FAM78B: variants seen among roughly 807,000 people sequenced by gnomAD.
FAM78B encodes the protein protein FAM78B.
In FAM78B, 10 loss-of-function variants were observed where a neutral mutation model predicts 20.0. The observed-to-expected ratio is 0.50, with a 90% CI of 0.31 to 0.85. The LOEUF is 0.85. FAM78B is among the 40% of genes least tolerant of loss of function. FAM78B has a pLI of 0.05. For synonymous variants in FAM78B, 135 were observed against 132.8 expected (o/e 1.02, Z -0.12); for missense variants, 283 against 345.0 (o/e 0.82, Z 1.42).
chr1:166,150,033 G>C (rs1011139714), intron 1 of FAM78B, among the ~76,000 whole-genome samples: 2 of 152,224 alleles, frequency 1.3e-5, no homozygotes, highest in Admixed American at 1.3e-4. Context: ...CAGGGAACAG[G>C]TGCAGAGAAA....
At chr1:166,120,631 A>C (rs1026471968) in intron 1 of FAM78B, among the ~76,000 whole-genome samples, 6 of 152,218 alleles carry the variant, frequency 3.9e-5, no homozygotes, top group African/African-American at 1.4e-4. Flanking sequence ...AGGGGTCCTA[A>C]AGAGGGGTCC....
chr1:166,063,042 G>A (rs2101942683), intron 2 of FAM78B, among the ~76,000 whole-genome samples: 1 of 152,324 alleles, frequency 6.6e-6, no homozygotes, highest in South Asian at 2.1e-4. Flanking sequence ...CCATCCTCAT[G>A]GAGCCCCTGG....
intron 1 of FAM78B, among the ~76,000 whole-genome samples, chr1:166,104,082 A>C (rs771632787): frequency 4.8e-4 from 73 of 152,220 alleles, no homozygotes; most frequent in Non-Finnish European, 8.5e-4. Flanking sequence ...CCAGCATATA[A>C]AGAGAACCAA....
intron 1 of FAM78B, chr1:166,082,805 G>A (rs1652634804): frequency 2.6e-5 from 4 of 152,456 alleles, no homozygotes; most frequent in Admixed American, 2.6e-4. Flanking sequence ...CTGGAGTCTA[G>A]GGGAGAGTCC....
intron 1 of FAM78B, among the ~76,000 whole-genome samples, chr1:166,143,673 G>C (rs1246698874): frequency 2.6e-5 from 4 of 152,118 alleles, no homozygotes; most frequent in Non-Finnish European, 4.4e-5. Context: ...CCTGATGGGA[G>C]GCCATGGCAG....
chr1:166,121,147 G>A (rs1654452245), intron 1 of FAM78B, among the ~76,000 whole-genome samples: 1 of 152,190 alleles, frequency 6.6e-6, no homozygotes, highest in Non-Finnish European at 1.5e-5. Flanking sequence ...GCCTACAAAT[G>A]CTAAATCAAA....
chr1:166,080,033 T>C (rs4418572), intron 1 of FAM78B, among the ~76,000 whole-genome samples: 65,457 of 151,992 alleles, frequency 0.43, 15,129 homozygotes, highest in African/African-American at 0.59. Flanking sequence ...GAGGTGGGCA[T>C]CTTTCTATTT....
At chr1:166,092,032 A>T (rs1156298703) in intron 1 of FAM78B, among the ~76,000 whole-genome samples, 8 of 126,002 alleles carry the variant, frequency 6.3e-5, no homozygotes, top group Admixed American at 1.5e-4. Flanking sequence ...TTGAGCCATC[A>T]TTTTTTTTTT....
chr1:166,164,430 G>A (rs1179892527), intron 1 of FAM78B, among the ~76,000 whole-genome samples: 3 of 152,270 alleles, frequency 2.0e-5, no homozygotes, highest in Non-Finnish European at 4.4e-5. Context: ...TTGAGGGTAT[G>A]TCAGTTTTTA....
At chr1:166,088,740 C>A (rs1652942629) in intron 1 of FAM78B, among the ~76,000 whole-genome samples, 1 of 152,084 alleles carries the variant, frequency 6.6e-6, no homozygotes, top group Admixed American at 6.6e-5. Flanking sequence ...TAGGACTGAC[C>A]CGAAGTATTT....
intron 1 of FAM78B, among the ~76,000 whole-genome samples, chr1:166,161,879 T>A (rs1373607139): frequency 6.6e-6 from 1 of 152,218 alleles, no homozygotes; most frequent in Non-Finnish European, 1.5e-5. Flanking sequence ...TTGTGTCATG[T>A]CATCATTGTG....
At chr1:166,088,925 C>A (rs138651628) in intron 1 of FAM78B, among the ~76,000 whole-genome samples, 1 of 152,308 alleles carries the variant, frequency 6.6e-6, no homozygotes, top group African/African-American at 2.4e-5. Flanking sequence ...TGGCCTCTGA[C>A]TCCCCAGCTT....
In FAM78B at chr1:166,146,282, G is replaced by A. The variant is rs1275639859; in HGVS notation, c.263+19704C>T. ...CTATTTTCTTCACTCAGGGTTTTAC[G>A]GCATCTGGGATCACAAGGCATTATG... On this transcript the variant is annotated intron_variant, in intron 1 of 1. Transcript: ENST00000354422. Among the ~76,000 whole-genome samples the A allele has an allele frequency of 6.6e-5, 10 of 152,218 alleles. No individual in the cohort carries two copies. In the East Asian group the frequency reaches 1.3e-3, roughly 21 times the overall value.
chr1:166,070,476 A>G lies in FAM78B; in HGVS notation c.551T>C (p.Ile184Thr), dbSNP rs189537822. Residue 184 changes from isoleucine (I) to threonine (T), a missense_variant, in exon 2 of 2, where the codon ATC (isoleucine) becomes ACC (threonine). Coordinates refer to ENST00000354422, the MANE Select transcript of FAM78B (RefSeq NM_001017961.5). ...VAMNTTTKEK[I>T]ILQTIKWRMR... ...CCTCCACTTGATGGTCTGCAGAATG[A>G]TCTTCTCCTTTGTGGTGGTGTTCAT... 3 of 1,614,168 alleles carry G rather than the reference A, an allele frequency of 1.9e-6. No homozygotes were observed. The Admixed American group carries it at 5.0e-5, about 27-fold the overall frequency.
chr1:166,085,082 A>G (rs1652771499), intron 1 of FAM78B, among the ~76,000 whole-genome samples: 1 of 152,192 alleles, frequency 6.6e-6, no homozygotes, highest in African/African-American at 2.4e-5. Flanking sequence ...CTGGAAGAGA[A>G]GCTCTTGGGG....
chr1:166,160,494 T>C (rs1409087398), intron 1 of FAM78B, among the ~76,000 whole-genome samples: 2 of 152,134 alleles, frequency 1.3e-5, no homozygotes, highest in Admixed American at 6.6e-5. Flanking sequence ...GTGACAGAAG[T>C]AAGCCCTGTG....
intron 1 of FAM78B, among the ~76,000 whole-genome samples, chr1:166,071,312 G>A (rs1482179160): frequency 2.0e-5 from 3 of 152,312 alleles, no homozygotes; most frequent in Non-Finnish European, 2.9e-5. Context: ...CCAATTCATC[G>A]CTTAGGCATA....
chr1:166,114,647 T>C (rs1557905240), intron 1 of FAM78B, among the ~76,000 whole-genome samples: 1 of 152,128 alleles, frequency 6.6e-6, no homozygotes, highest in Non-Finnish European at 1.5e-5. Flanking sequence ...TTAGAACAGA[T>C]AGTGGGAGTA....
Position 166,157,135 on chromosome 1 carries a change from G to C in FAM78B, c.263+8851C>G, listed in dbSNP as rs533075108. ...AGCCTTTCTCCTCCCCTCTATCTTTGAGTGGGTTTGTAGGGGAGGTTTGTA... is the reference window on the plus strand; with the variant it reads ...AGCCTTTCTCCTCCCCTCTATCTTTCAGTGGGTTTGTAGGGGAGGTTTGTA... On this transcript the variant is annotated intron_variant, in intron 1 of 1. Transcript: ENST00000354422. 2.0e-5 allele frequency among the ~76,000 whole-genome samples: 3 copies of C among 150,752 alleles called. 1 individual carries two copies. The South Asian group carries it at 6.4e-4, about 32-fold the overall frequency.
Sources: allele counts gnomAD v4.1 joint callset (sites outside exome capture counted in the v4.1 genomes callset), GRCh38; gene constraint gnomAD v4.1.1; transcripts MANE v1.5; gene names NCBI Gene and HGNC (gene_info 2026-07-23, HGNC 2026-07-21).